Variants in NELL2 observed in about 807,000 individuals in gnomAD.
NELL2 encodes neural EGFL like 2.
In NELL2, 41 loss-of-function variants were observed where a neutral mutation model predicts 109.6. That is an observed-to-expected ratio of 0.37 (90% confidence interval 0.29 to 0.49). The LOEUF is 0.49. NELL2 is among the 20% of genes least tolerant of loss of function. The pLI, the probability that NELL2 is intolerant of heterozygous loss-of-function variation, is 0.98. For missense variants in NELL2, 900 were observed against 1,008.3 expected (o/e 0.89, Z 1.45); for synonymous variants, 355 against 344.7 (o/e 1.03, Z -0.33).
At chr12:44,742,394 A>C (rs1299151420) in intron 9 of NELL2, among the ~76,000 whole-genome samples, 1 of 152,240 alleles carries the variant, frequency 6.6e-6, no homozygotes, top group Admixed American at 6.5e-5. Context: ...ACTAAAAATC[A>C]GAGCACCTCT....
intron 12 of NELL2, among the ~76,000 whole-genome samples, chr12:44,683,081 C>A (rs1948584263): frequency 1.3e-5 from 2 of 152,056 alleles, no homozygotes; most frequent in African/African-American, 4.8e-5. Context: ...TGTTTGTATC[C>A]TCTTTTATTT....
chr12:44,888,669 T>G (rs1181430156), intron 1 of NELL2, among the ~76,000 whole-genome samples: 1 of 151,806 alleles, frequency 6.6e-6, no homozygotes, highest in African/African-American at 2.4e-5. Context: ...AATAATTTTA[T>G]AGCAAAGGTG....
intron 15 of NELL2, among the ~76,000 whole-genome samples, chr12:44,600,145 T>G (rs1474534144): frequency 6.9e-6 from 1 of 145,088 alleles, no homozygotes; most frequent in Non-Finnish European, 1.5e-5. Flanking sequence ...TATTTATTTA[T>G]TTATTTATTT....
At chr12:44,569,754 C>T (rs1028052622) in intron 15 of NELL2, among the ~76,000 whole-genome samples, 17 of 151,196 alleles carry the variant, frequency 1.1e-4, no homozygotes, top group Non-Finnish European at 8.8e-5. Flanking sequence ...ACATTTTGAT[C>T]TATGAATTTT....
At chr12:44,827,183 A>G (rs141472322) in intron 2 of NELL2, among the ~76,000 whole-genome samples, 5 of 152,276 alleles carry the variant, frequency 3.3e-5, no homozygotes, top group African/African-American at 1.2e-4. Flanking sequence ...CAAGGTAGGT[A>G]TATATATTTA....
chr12:44,784,806 A>T (rs959081242), intron 3 of NELL2, among the ~76,000 whole-genome samples: 1 of 152,224 alleles, frequency 6.6e-6, no homozygotes, highest in African/African-American at 2.4e-5. Flanking sequence ...ATAGATGCAG[A>T]AAAGGGCTTC....
chr12:44,600,244 C>G (rs994194681), intron 15 of NELL2, among the ~76,000 whole-genome samples: 1 of 150,810 alleles, frequency 6.6e-6, no homozygotes, highest in South Asian at 2.1e-4. Flanking sequence ...CTCCGGACCT[C>G]GTGATCCGCC....
intron 13 of NELL2, among the ~76,000 whole-genome samples, chr12:44,661,017 C>G (rs945985777): frequency 6.6e-6 from 1 of 152,178 alleles, no homozygotes; most frequent in Non-Finnish European, 1.5e-5. Context: ...AAAGCGTTAA[C>G]TGAATGCAGA....
intron 1 of NELL2, among the ~76,000 whole-genome samples, chr12:44,910,938 G>A (rs1007644298): frequency 6.6e-6 from 1 of 151,910 alleles, no homozygotes; most frequent in Non-Finnish European, 1.5e-5. Context: ...TTATAAGTGG[G>A]AGCTAAACTT....
chr12:44,629,061 T>A (rs936193954), intron 13 of NELL2, among the ~76,000 whole-genome samples: 1 of 152,188 alleles, frequency 6.6e-6, no homozygotes, highest in African/African-American at 2.4e-5. Flanking sequence ...GTAAAGTGTA[T>A]CTAAATTTGG....
intron 9 of NELL2, among the ~76,000 whole-genome samples, chr12:44,726,609 T>C (rs139679121): frequency 0.011 from 1,608 of 152,294 alleles, 13 homozygotes; most frequent in Middle Eastern, 0.024. Flanking sequence ...TTTAGATGTG[T>C]TATACTTAAA....
intron 1 of NELL2, among the ~76,000 whole-genome samples, chr12:44,903,939 T>A (rs1410219717): frequency 1.3e-5 from 2 of 152,010 alleles, no homozygotes; most frequent in South Asian, 4.2e-4. Context: ...CTAATGTAGA[T>A]GATGGGTTGA....
intron 16 of NELL2, among the ~76,000 whole-genome samples, chr12:44,531,412 G>A (rs1298487085): frequency 6.6e-6 from 1 of 152,056 alleles, no homozygotes; most frequent in Non-Finnish European, 1.5e-5. Context: ...TTCTCTCCAG[G>A]GCTGGAAATG....
At chr12:44,835,079 A>T (rs1014884558) in intron 2 of NELL2, among the ~76,000 whole-genome samples, 54 of 152,062 alleles carry the variant, frequency 3.6e-4, no homozygotes, top group Non-Finnish European at 6.8e-4. Context: ...CTCAGACTCA[A>T]GGGACACCCA....
At chr12:44,802,367 T>A (rs1697584265) in intron 3 of NELL2, among the ~76,000 whole-genome samples, 1 of 152,084 alleles carries the variant, frequency 6.6e-6, no homozygotes, top group South Asian at 2.1e-4. Flanking sequence ...AAATAAAAAA[T>A]TTGAAAAGCC....
chr12:44,881,531 G>T (rs1945411814), intron 1 of NELL2, among the ~76,000 whole-genome samples: 7 of 151,898 alleles, frequency 4.6e-5, no homozygotes. Flanking sequence ...GTAGCTGAAT[G>T]AAAATGATAA....
chr12:44,718,652 A>G (rs1265234190), intron 9 of NELL2, among the ~76,000 whole-genome samples: 1 of 152,200 alleles, frequency 6.6e-6, no homozygotes. Context: ...ATGCTGAGTG[A>G]TTGATTGAAT....
Position 44,521,985 on chromosome 12 carries a change from T to C in NELL2, c.2175+15A>G, listed in dbSNP as rs760090632. On this transcript the variant is annotated intron_variant, in intron 18 of 19. Transcript: ENST00000429094. ...GGGCCTAAATTTTCTTTCCACTTCA[T>C]GTAGCTAAATTTACCAAGCAGCGGC... The C allele has an allele frequency of 3.1e-6, 5 of 1,610,524 alleles. No homozygotes were observed. In the South Asian group the frequency reaches 5.5e-5, roughly 18 times the overall value.
chr12:44,791,134 T>TAC (rs1555217798), intron 3 of NELL2, among the ~76,000 whole-genome samples: 33 of 81,424 alleles, frequency 4.1e-4, no homozygotes, highest in African/African-American at 8.5e-4. Flanking sequence ...TATATATATA[T>TAC]ACACACGCAC....
Sources: allele counts gnomAD v4.1 joint callset (sites outside exome capture counted in the v4.1 genomes callset), GRCh38; gene constraint gnomAD v4.1.1; transcripts MANE v1.5; gene names NCBI Gene and HGNC (gene_info 2026-07-23, HGNC 2026-07-21).